Variants in LONP2 observed in about 807,000 individuals in gnomAD.
LONP2 encodes lon peptidase 2, peroxisomal, also known as lon protease homolog 2, peroxisomal.
A neutral mutation model predicts 85.6 loss-of-function variants in LONP2; 60 were observed. The ratio of observed to expected loss-of-function variants is 0.70; its 90% CI spans 0.57 to 0.87. The LOEUF (loss-of-function observed/expected upper bound fraction) is 0.87, where lower values mean the gene tolerates loss of function less well. Ranked by LOEUF, LONP2 falls within the 40% of genes least tolerant of loss-of-function variation. The pLI is 0.00. For synonymous variants in LONP2, 395 were observed against 389.7 expected (o/e 1.01, Z -0.16); for missense variants, 860 against 1,063.5 (o/e 0.81, Z 2.66).
chr16:48,295,952 A>G, intron 8 of LONP2, 63 bp from the exon 9 acceptor site: 4 of 1,506,536 alleles, frequency 2.7e-6, no homozygotes, highest in Non-Finnish European at 3.7e-6. Context: ...GTGTGTTTTC[A>G]CTTATATACA....
chr16:48,303,531 C>T (rs1218409465), intron 11 of LONP2, among the ~76,000 whole-genome samples: 3 of 152,234 alleles, frequency 2.0e-5, no homozygotes, highest in African/African-American at 7.2e-5. Flanking sequence ...AATATGAATG[C>T]TTTGAGGATA....
intron 6 of LONP2, among the ~76,000 whole-genome samples, chr16:48,266,888 T>A (rs1398563108): frequency 6.6e-6 from 1 of 151,824 alleles, no homozygotes; most frequent in Non-Finnish European, 1.5e-5. Flanking sequence ...CCCAGGAGTT[T>A]GAGACCAGCA....
chr16:48,244,328 G>C lies in LONP2; in HGVS notation c.-61G>C. 7.8e-7 allele frequency: 1 copy of C among 1,287,054 alleles called. No homozygotes were observed. The highest frequency in any genetic ancestry group is 1.0e-6 in the Non-Finnish European group (1 of 962,488). 79.7% of individuals were successfully genotyped at this position (1,287,054 alleles called of 1,614,324 possible). A position where few individuals can be genotyped will look rare whatever the true frequency, so the allele number is the denominator to read the frequency against. ...TCTGAGGTTTGGTGACTGCGGGGCAGGCCGGGGGCAGCTGTCTGTCTGGCT... is the reference window on the plus strand; with the variant it reads ...TCTGAGGTTTGGTGACTGCGGGGCACGCCGGGGGCAGCTGTCTGTCTGGCT... On this transcript the variant is annotated 5_prime_UTR_variant, in exon 1 of 15. Coordinates refer to ENST00000285737, the MANE Select transcript of LONP2 (RefSeq NM_031490.5).
chr16:48,316,361 C>T (rs1973144927), intron 11 of LONP2, among the ~76,000 whole-genome samples: 2 of 147,472 alleles, frequency 1.4e-5, no homozygotes, highest in Admixed American at 1.4e-4. Context: ...GAGTCTCGCC[C>T]TGTTGCTCAG....
chr16:48,322,867 A>G (rs1228617878), intron 11 of LONP2, among the ~76,000 whole-genome samples: 1 of 152,238 alleles, frequency 6.6e-6, no homozygotes, highest in Non-Finnish European at 1.5e-5. Context: ...AGGTTTGTGT[A>G]CACCAAGCAT....
In LONP2 at chr16:48,277,444, A is replaced by G. The variant is rs1427150680; in HGVS notation, c.1348A>G (p.Ser450Gly). The G allele has an allele frequency of 6.2e-7, 1 of 1,613,930 alleles. No homozygotes were observed. The highest frequency in any genetic ancestry group is 1.7e-5 in the Admixed American group (1 of 59,998). Residue 450 changes from serine (S) to glycine (G), a missense_variant, in exon 8 of 15, where the codon AGT (serine) becomes GGT (glycine). Physicochemically the swap from Ser to Gly is moderately conservative, Grantham distance 56. Transcript: ENST00000285737. ...AGATGAGGTTGACAAACTGGGAAAA[A>G]GTCTACAGGGTGATCCAGCAGCAGC... ...LLDEVDKLGK[S>G]LQGDPAAALL...
At chr16:48,257,013 G>C (rs564734616) in intron 3 of LONP2, among the ~76,000 whole-genome samples, 1 of 152,114 alleles carries the variant, frequency 6.6e-6, no homozygotes, top group South Asian at 2.1e-4. Context: ...TTAAAGCAAA[G>C]AATCATAAAA....
chr16:48,248,885 GAAAA>G (rs768247989), intron 1 of LONP2, among the ~76,000 whole-genome samples: 4 of 91,414 alleles, frequency 4.4e-5, no homozygotes, highest in Non-Finnish European at 6.9e-5. Context: ...CTGTCTATAG[GAAAA>G]AAAAAAAAAA....
chr16:48,361,742 A>G (rs1161257850), downstream of LONP2: 4 of 1,614,096 alleles, frequency 2.5e-6, no homozygotes, highest in African/African-American at 4.0e-5. Context: ...GTCGCCTATG[A>G]CCATTTAGCT....
intron 1 of LONP2, among the ~76,000 whole-genome samples, chr16:48,246,814 A>G (rs1336937002): frequency 2.6e-5 from 4 of 152,056 alleles, no homozygotes; most frequent in Non-Finnish European, 5.9e-5. Context: ...GACTCAAGCT[A>G]TCCCCTGCTT....
rs34863177 is a variant in LONP2 at position 48,261,474 on chromosome 16, A to AGAAGAT, written c.793_798dup (p.Glu265_Asp266dup). 4.3e-5 allele frequency: 69 copies of AGAAGAT among 1,609,468 alleles called. No homozygotes were observed. The highest frequency in any genetic ancestry group is 1.7e-4 in the Middle Eastern group (1 of 6,056). On this transcript the variant is annotated inframe_insertion, in exon 5 of 15. Coordinates refer to ENST00000285737, the MANE Select transcript of LONP2 (RefSeq NM_031490.5). ...GAATTACACATATCTCAGGTACTTT[A>AGAAGAT]GAAGATGAAGATGAAGATGAAGATA...
chr16:48,293,892 A>G (rs1972612147), intron 8 of LONP2, among the ~76,000 whole-genome samples: 2 of 152,144 alleles, frequency 1.3e-5, no homozygotes, highest in African/African-American at 2.4e-5. Flanking sequence ...AGTTTTAACT[A>G]TTTTCCATAC....
rs1960310089 is a variant in LONP2, at chr16:48,355,544, T to G, written c.*3742T>G. On this transcript the variant is annotated 3_prime_UTR_variant, in exon 15 of 15. Coordinates refer to ENST00000285737, the MANE Select transcript of LONP2 (RefSeq NM_031490.5). ...TTCTGTTACGGTTAACACAAATGAC[T>G]AAGACAACAGGATAATTCTGTTTAA... is the stretch of plus-strand genomic sequence containing the variant. 6.6e-6 allele frequency: 1 copy of G among 152,212 alleles called. No homozygotes were observed. The highest frequency in any genetic ancestry group is 1.5e-5 in the Non-Finnish European group (1 of 68,034). 9.4% of individuals were successfully genotyped at this position (152,212 alleles called of 1,614,324 possible).
intron 9 of LONP2, among the ~76,000 whole-genome samples, chr16:48,298,671 T>TG (rs1972731709): frequency 1.5e-5 from 1 of 65,524 alleles, no homozygotes; most frequent in African/African-American, 5.0e-5. Flanking sequence ...GTGTGTGTGT[T>TG]TCAAGTATAG....
intron 6 of LONP2, among the ~76,000 whole-genome samples, chr16:48,264,075 A>T (rs111767548): frequency 6.6e-6 from 1 of 152,288 alleles, no homozygotes; most frequent in Admixed American, 6.5e-5. Flanking sequence ...CACAAGGCAA[A>T]TGGAGGCAGG....
intron 6 of LONP2, among the ~76,000 whole-genome samples, chr16:48,267,211 A>G (rs1326682144): frequency 6.6e-6 from 1 of 152,216 alleles, no homozygotes. Flanking sequence ...ATTATGGTAT[A>G]AAAGGAGTCA....
At chr16:48,262,003 C>T (rs1316382166) in intron 5 of LONP2, among the ~76,000 whole-genome samples, 1 of 152,110 alleles carries the variant, frequency 6.6e-6, no homozygotes, top group East Asian at 1.9e-4. Flanking sequence ...AACTTTATAA[C>T]TCTTATTACA....
At chr16:48,331,564 TTC>T (rs1197628707) in intron 11 of LONP2, among the ~76,000 whole-genome samples, 1 of 151,672 alleles carries the variant, frequency 6.6e-6, no homozygotes, top group Non-Finnish European at 1.5e-5. Context: ...CCAAAGGATT[TTC>T]TTTTTTTTTT....
intron 11 of LONP2, among the ~76,000 whole-genome samples, chr16:48,330,583 G>A (rs1488642608): frequency 6.6e-6 from 1 of 152,138 alleles, no homozygotes; most frequent in Non-Finnish European, 1.5e-5. Context: ...ATGACATTTT[G>A]CTTGTTGGTT....
Sources: gnomAD v4.1 joint callset for allele counts (sites outside exome capture counted in the v4.1 genomes callset) on GRCh38, gnomAD v4.1.1 for gene constraint, MANE v1.5 for transcripts, NCBI Gene and HGNC (gene_info 2026-07-23, HGNC 2026-07-21) for gene names.